The following ITGA3 variants were observed in gnomAD, a reference collection of about 807,000 sequenced individuals.
ITGA3 encodes the protein integrin alpha-3.
Under a neutral mutation model 131.1 loss-of-function variants are expected in ITGA3, and 70 were observed. The observed-to-expected ratio is 0.53, with a 90% CI of 0.44 to 0.65. The LOEUF (loss-of-function observed/expected upper bound fraction) is 0.65, where lower values mean the gene tolerates loss of function less well. Ranked by LOEUF, ITGA3 falls within the 30% of genes least tolerant of loss-of-function variation. The pLI, the probability that ITGA3 is intolerant of heterozygous loss-of-function variation, is 0.00. For synonymous variants in ITGA3, 537 were observed against 571.6 expected, an observed-to-expected ratio of 0.94 and a Z score of 0.86; for missense variants, 1,098 against 1,388.6, an observed-to-expected ratio of 0.79 and a Z score of 3.33.
rs553825642 is a variant in ITGA3 at position 50,071,844 on chromosome 17, A to T, written c.960-142A>T. On this transcript the variant is annotated intron_variant, in intron 6 of 25. Coordinates refer to ENST00000320031, the MANE Select transcript of ITGA3 (RefSeq NM_002204.4). ...GCATCTCCATGTCCTTCCCATGCAC[A>T]TGTCCTTCCCACCCATGACCTGTGG... 3 of 715,930 alleles carry T rather than the reference A, an allele frequency of 4.2e-6. No individual in the cohort carries two copies. In the Admixed American group the frequency reaches 8.7e-5, roughly 21 times the overall value. The allele number at this position is 715,930 out of a possible 1,614,324, so 44.3% of individuals were successfully genotyped here.
intron 23 of ITGA3, among the ~76,000 whole-genome samples, chr17:50,084,951 G>A (rs1909322584): frequency 6.6e-6 from 1 of 152,208 alleles, no homozygotes; most frequent in South Asian, 2.1e-4. Flanking sequence ...GGTGGCTCAC[G>A]CCTGTAATCC....
intron 1 of ITGA3, among the ~76,000 whole-genome samples, chr17:50,060,661 G>C (rs1044355845): frequency 2.0e-5 from 3 of 152,104 alleles, no homozygotes; most frequent in Admixed American, 2.0e-4. Flanking sequence ...CATCTGGGGG[G>C]CTGGGGGTCT....
Position 50,076,970 on chromosome 17 carries a change from T to G in ITGA3, c.1923-4T>G. ...TTGGCTGAGTCCTGGGCTCCTGCTCTCAGGCTCCAGTACAGCAGAGACGTC... is the reference window on the plus strand; with the variant it reads ...TTGGCTGAGTCCTGGGCTCCTGCTCGCAGGCTCCAGTACAGCAGAGACGTC... On this transcript the variant is annotated splice_polypyrimidine_tract_variant and splice_region_variant and intron_variant, in intron 14 of 25. Transcript: ENST00000320031. 1 of 1,602,282 alleles carries G rather than the reference T, an allele frequency of 6.2e-7. No individual in the cohort carries two copies. The highest frequency in any genetic ancestry group is 8.5e-7 in the Non-Finnish European group (1 of 1,171,806).
Position 50,078,106 on chromosome 17 carries a change from G to A in ITGA3, c.2200G>A (p.Val734Met), listed in dbSNP as rs139340161. ...GACCCTGCACACAAGGGACCTTCAG[G>A]TGCAGCTGCAGCTCTCCACGTGAGT... ...GVTLHTRDLQVQLQLSTSSHQ... is the reference protein window; with the variant it reads ...GVTLHTRDLQMQLQLSTSSHQ... Residue 734 changes from valine (V) to methionine (M), a missense_variant, in exon 17 of 26, where the codon GTG (valine) becomes ATG (methionine). Transcript: ENST00000320031. 1,857 of 1,613,742 alleles carry A rather than the reference G, an allele frequency of 1.2e-3. 2 individuals carry two copies. The highest frequency in any genetic ancestry group is 1.5e-3 in the Non-Finnish European group (1,712 of 1,179,696).
At chr17:50,073,626 A>ACACACACACACG (rs1555555001) in intron 7 of ITGA3, among the ~76,000 whole-genome samples, 34 of 134,138 alleles carry the variant, frequency 2.5e-4, no homozygotes, top group African/African-American at 8.2e-4. Flanking sequence ...ACACACACAC[A>ACACACACACACG]CACACACGCA....
intron 10 of ITGA3, among the ~76,000 whole-genome samples, chr17:50,075,123 G>C (rs1490403012): frequency 6.6e-6 from 1 of 152,206 alleles, no homozygotes; most frequent in East Asian, 1.9e-4. Context: ...AGGGAAATGG[G>C]GTGGTTGGTG....
intron 12 of ITGA3, 120 bp downstream of exon 12, chr17:50,075,855 G>A (rs541394455): frequency 1.4e-5 from 14 of 999,038 alleles, no homozygotes; most frequent in East Asian, 5.1e-5. Flanking sequence ...TGGGGACATC[G>A]GTTTGGAAGG....
intron 23 of ITGA3, among the ~76,000 whole-genome samples, chr17:50,082,940 G>A (rs1295906280): frequency 6.6e-6 from 1 of 152,164 alleles, no homozygotes; most frequent in Non-Finnish European, 1.5e-5. Flanking sequence ...GTTGCATCTA[G>A]AAGAATAAAT....
In ITGA3 at chr17:50,088,252, C is replaced by G. The variant is rs767763467; in HGVS notation, c.3073C>G (p.Arg1025Gly). ...KCGFFKRART[R>G]ALYEAKRQKA... ...CGGCTTCTTCAAGCGAGCCCGCACT[C>G]GCGCCCTGTATGAAGCTAAGAGGCA... The change falls in exon 25 of 26, where the codon CGC becomes GGC. Residue 1025 changes from arginine (R) to glycine (G), a missense_variant. Around this residue, in one of 3 missense-constraint regions of ITGA3, gnomAD observed 699 missense variants for 829.2 expected, o/e 0.84. Transcript: ENST00000320031. 3.2e-6 allele frequency: 5 copies of G among 1,577,524 alleles called. No homozygotes were observed. The Admixed American group carries it at 7.4e-5, about 23-fold the overall frequency.
chr17:50,081,805 G>A (rs574217760), intron 23 of ITGA3, among the ~76,000 whole-genome samples: 5 of 152,152 alleles, frequency 3.3e-5, no homozygotes, highest in Non-Finnish European at 7.3e-5. Flanking sequence ...GGGCTGGAAC[G>A]TGGGTCTCCT....
In ITGA3 at chr17:50,081,462, A is replaced by G. The variant is rs541427767; in HGVS notation, c.2919+54A>G. ...GTCTCCAGCCAGAGCTTGAGAGTACAGGGCATCTTTTAAGAGGACACTGAC... is the reference window on the plus strand; with the variant it reads ...GTCTCCAGCCAGAGCTTGAGAGTACGGGGCATCTTTTAAGAGGACACTGAC... On this transcript the variant is annotated intron_variant, in intron 23 of 25. Transcript: ENST00000320031. 20 of 1,309,438 alleles carry G rather than the reference A, an allele frequency of 1.5e-5. 1 individual carries two copies. The African/African-American group carries it at 1.9e-4, about 12-fold the overall frequency. The allele number at this position is 1,309,438 out of a possible 1,614,324, so 81.1% of individuals were successfully genotyped here.
chr17:50,081,230 G>C, intron 22 of ITGA3, 80 bp from the exon 23 acceptor site: 5 of 852,964 alleles, frequency 5.9e-6, no homozygotes, highest in Middle Eastern at 6.0e-4. Context: ...GGAGGGTGAT[G>C]GGGTGGGAAA....
At chr17:50,068,406 A>G in intron 4 of ITGA3, 101 bp downstream of exon 4, 1 of 1,319,094 alleles carries the variant, frequency 7.6e-7, no homozygotes, top group Non-Finnish European at 1.0e-6. Context: ...CACTAGAAAC[A>G]GGACCTCATG....
Position 50,076,600 on chromosome 17 carries a change from A to C in ITGA3, c.1841A>C (p.Glu614Ala), listed in dbSNP as rs1407594371. The C allele has an allele frequency of 1.2e-6, 2 of 1,613,472 alleles. No individual in the cohort carries two copies. The highest frequency in any genetic ancestry group is 1.7e-6 in the Non-Finnish European group (2 of 1,179,918). ...ENHTEVQFQKECGPDNKCESN... is the reference protein window; with the variant it reads ...ENHTEVQFQKACGPDNKCESN... ...ACCCCCCAGGTCCAGTTCCAGAAGG[A>C]GTGCGGGCCTGACAACAAGTGTGAG... Residue 614 changes from glutamate to alanine, a missense_variant, in exon 14 of 26, where the codon GAG (glutamate) becomes GCG (alanine). Glu to Ala is a moderately radical substitution (Grantham distance 107). Around this residue, in one of 3 missense-constraint regions of ITGA3, gnomAD observed 699 missense variants for 829.2 expected, o/e 0.84. Transcript: ENST00000320031.
At position 50,075,522 on chromosome 17, in the gene ITGA3, C is replaced by T; in HGVS notation, c.1533C>T (p.Asn511=). 1 of 1,614,252 alleles carries T rather than the reference C, an allele frequency of 6.2e-7. No individual in the cohort carries two copies. The highest frequency in any genetic ancestry group is 8.5e-7 in the Non-Finnish European group (1 of 1,180,052). The stretch of plus-strand genomic sequence containing the variant: ...CCGGGAACCCCAACTACAGGCGAAA[C>T]ATCAGTGAGTGCTGGGGTGCAGCGT... ...QSAGNPNYRR[N]ITLAYTLEAD... The change falls in exon 11 of 26, where the codon AAC becomes AAT. Residue 511 remains asparagine, a synonymous_variant. Coordinates refer to ENST00000320031, the MANE Select transcript of ITGA3 (RefSeq NM_002204.4).
At chr17:50,057,524 A>G (rs187047216) in intron 1 of ITGA3, among the ~76,000 whole-genome samples, 1 of 152,334 alleles carries the variant, frequency 6.6e-6, no homozygotes, top group Admixed American at 6.5e-5. Flanking sequence ...CCTCATGCCC[A>G]GGAGCATGTC....
intron 4 of ITGA3, among the ~76,000 whole-genome samples, 164 bp from the exon 5 acceptor site, chr17:50,070,680 T>C (rs912192413): frequency 8.5e-6 from 1 of 117,238 alleles, no homozygotes; most frequent in African/African-American, 3.3e-5. Context: ...GAAAAAAGAA[T>C]TGTTAAAGAG....
At chr17:50,065,062 A>G (rs1255047756) in intron 3 of ITGA3, 2 of 155,152 alleles carry the variant, frequency 1.3e-5, no homozygotes, top group Admixed American at 6.5e-5. Context: ...CCTCCTGCCC[A>G]CATTCTATAG....
intron 25 of ITGA3, 49 bp from the exon 26 acceptor site, chr17:50,089,061 G>T: frequency 6.6e-7 from 1 of 1,521,408 alleles, no homozygotes. Flanking sequence ...CTTCCTGGTG[G>T]CTCAAACTCT....
Sources: allele counts gnomAD v4.1 joint callset (sites outside exome capture counted in the v4.1 genomes callset), GRCh38; gene constraint gnomAD v4.1.1; regional missense constraint gnomAD v4.1.1; transcripts MANE v1.5; gene names NCBI Gene and HGNC (gene_info 2026-07-23, HGNC 2026-07-21).